The following WWP1 variants were observed in gnomAD, a reference collection of about 807,000 sequenced individuals.
The protein encoded by WWP1 is WW domain containing E3 ubiquitin protein ligase 1.
WWP1 carries 49 observed loss-of-function variants against 130.6 expected under a neutral mutation model. The observed-to-expected ratio is 0.38, with a 90% confidence interval of 0.30 to 0.48. The LOEUF (loss-of-function observed/expected upper bound fraction) is 0.48, where lower values mean the gene tolerates loss of function less well. Ranked by LOEUF, WWP1 falls within the 20% of genes least tolerant of loss-of-function variation. WWP1 has a pLI of 0.99. For synonymous variants in WWP1, 332 were observed against 367.8 expected (o/e 0.90, Z 1.11); for missense variants, 809 against 1,100.6 (o/e 0.74, Z 3.75).
At chr8:86,425,115 CTT>C (rs1809544783) in intron 9 of WWP1, 106 bp from the exon 10 acceptor site, 1 of 729,668 alleles carries the variant, frequency 1.4e-6, no homozygotes, top group Non-Finnish European at 2.2e-6. Context: ...TGTGTATAGT[CTT>C]TTAATGTAAA....
At position 86,452,576 on chromosome 8, in the gene WWP1, G is replaced by A. The variant is rs527247142; in HGVS notation, c.2291G>A (p.Arg764His). Residue 764 changes from arginine (R) to histidine (H), a missense_variant, in exon 21 of 25, where the codon CGT (arginine) becomes CAT (histidine). This residue lies in a region of WWP1 where 450 missense variants were observed against 674.2 expected (regional missense o/e 0.67). Coordinates refer to ENST00000517970, the MANE Select transcript of WWP1 (RefSeq NM_007013.4). ...DEYIGLMTEW[R>H]FSRGVQEQTK... is the part of the protein sequence containing the mutation. ...ATTTTCAGTTTAATGACAGAATGGC[G>A]TTTTTCTCGAGGAGTACAAGAACAG... 192 of 1,603,968 alleles carry A rather than the reference G, an allele frequency of 1.2e-4. 3 individuals are homozygous for A. In the South Asian group the frequency reaches 1.4e-3, roughly 12 times the overall value.
At position 86,342,615 on chromosome 8, in the gene WWP1, G is replaced by C. The variant is rs1014946072; in HGVS notation, c.-430G>C. The C allele has an allele frequency of 5.2e-6, 1 of 193,150 alleles. No homozygotes were observed. The highest frequency in any genetic ancestry group is 1.0e-5 in the Non-Finnish European group (1 of 96,476). 12.0% of individuals were successfully genotyped at this position (193,150 alleles called of 1,614,324 possible). A position where few individuals can be genotyped will look rare whatever the true frequency, so the allele number is the denominator to read the frequency against. ...CGCGCGGTGCCGGGGCCGGCGGGGA[G>C]GCGCGCGCTTAGGGCGCGGCGCCGG... On this transcript the variant is annotated 5_prime_UTR_variant, in exon 1 of 25. Coordinates refer to ENST00000517970, the MANE Select transcript of WWP1 (RefSeq NM_007013.4).
intron 1 of WWP1, among the ~76,000 whole-genome samples, chr8:86,350,530 G>A (rs1217698872): frequency 6.6e-6 from 1 of 152,080 alleles, no homozygotes; most frequent in East Asian, 1.9e-4. Flanking sequence ...GTTGCGGGGA[G>A]GAGTTTGGTA....
rs901079662 is a variant in WWP1, at chr8:86,463,694, C to T, written c.2669+1848C>T. Among the ~76,000 whole-genome samples, 5 of 151,918 alleles carry T rather than the reference C, an allele frequency of 3.3e-5. No homozygotes were observed. The South Asian group carries it at 1.0e-3, about 32-fold the overall frequency. On this transcript the variant is annotated intron_variant, in intron 24 of 24. Coordinates refer to ENST00000517970, the MANE Select transcript of WWP1 (RefSeq NM_007013.4). The stretch of plus-strand genomic sequence containing the variant: ...TAGAAAATCCTTATAATTTGATGAG[C>T]CATTATTTTCAAATGATCAGTGAAT...
At chr8:86,385,182 T>A (rs191050518) in intron 5 of WWP1, among the ~76,000 whole-genome samples, 116 of 152,338 alleles carry the variant, frequency 7.6e-4, no homozygotes, top group Non-Finnish European at 1.5e-3. Flanking sequence ...AGAGATATTA[T>A]GTTTCTGAGG....
intron 1 of WWP1, among the ~76,000 whole-genome samples, chr8:86,368,685 C>T (rs1021709178): frequency 2.6e-5 from 4 of 152,170 alleles, no homozygotes; most frequent in African/African-American, 7.2e-5. Context: ...TGCCTGATCA[C>T]GTTACACTGT....
Position 86,396,911 on chromosome 8 carries a change from T to A in WWP1, c.335-1431T>A, listed in dbSNP as rs930110433. On this transcript the variant is annotated intron_variant, in intron 5 of 24. Transcript: ENST00000517970. The stretch of plus-strand genomic sequence containing the variant: ...ACCGTGTCTGGCCTTAATTTTTAAA[T>A]TTTTTAGAGACTAGATCTCACTGTG... Among the ~76,000 whole-genome samples the A allele has an allele frequency of 7.2e-5, 11 of 152,234 alleles. No individual in the cohort carries two copies. In the East Asian group the frequency reaches 2.1e-3, roughly 29 times the overall value.
intron 7 of WWP1, among the ~76,000 whole-genome samples, chr8:86,400,547 G>A: frequency 6.6e-6 from 1 of 152,146 alleles, no homozygotes; most frequent in Admixed American, 6.5e-5. Context: ...TCTGTGCAGA[G>A]TTCTGAGGGA....
chr8:86,444,510 T>TA (rs1810757682), intron 18 of WWP1, among the ~76,000 whole-genome samples: 1 of 152,166 alleles, frequency 6.6e-6, no homozygotes, highest in Admixed American at 6.5e-5. Context: ...CAAGGACAAT[T>TA]ATAGTCAGGG....
intron 21 of WWP1, among the ~76,000 whole-genome samples, chr8:86,456,362 T>C (rs1811443599): frequency 6.6e-6 from 1 of 151,934 alleles, no homozygotes; most frequent in African/African-American, 2.4e-5. Flanking sequence ...AAAGATCTTA[T>C]ATCTGGAATA....
At chr8:86,391,002 T>C (rs1311330419) in intron 5 of WWP1, among the ~76,000 whole-genome samples, 1 of 152,194 alleles carries the variant, frequency 6.6e-6, no homozygotes, top group Non-Finnish European at 1.5e-5. Context: ...GTATATTTTC[T>C]ATTTTTGAAG....
chr8:86,360,409 C>T (rs1231764309), intron 1 of WWP1, among the ~76,000 whole-genome samples: 1 of 152,078 alleles, frequency 6.6e-6, no homozygotes, highest in Non-Finnish European at 1.5e-5. Flanking sequence ...GAAATTCTTC[C>T]TTGAAGTTTT....
chr8:86,382,766 C>T (rs1023662717), intron 5 of WWP1, among the ~76,000 whole-genome samples: 3 of 152,200 alleles, frequency 2.0e-5, no homozygotes, highest in Admixed American at 6.5e-5. Flanking sequence ...TCTCACACCA[C>T]AATTTATTTA....
At chr8:86,396,926 A>C (rs1358075278) in intron 5 of WWP1, among the ~76,000 whole-genome samples, 1 of 151,950 alleles carries the variant, frequency 6.6e-6, no homozygotes, top group Non-Finnish European at 1.5e-5. Flanking sequence ...TAGAGACTAG[A>C]TCTCACTGTG....
At chr8:86,447,841 C>T (rs1810968308) in intron 18 of WWP1, among the ~76,000 whole-genome samples, 1 of 152,016 alleles carries the variant, frequency 6.6e-6, no homozygotes, top group African/African-American at 2.4e-5. Flanking sequence ...ATTTCCTTAT[C>T]CAGTTAGGTT....
intron 8 of WWP1, among the ~76,000 whole-genome samples, chr8:86,409,673 A>T (rs1246182320): frequency 6.6e-6 from 1 of 151,824 alleles, no homozygotes; most frequent in Non-Finnish European, 1.5e-5. Flanking sequence ...TGGCCTGGCC[A>T]ACAAGGTGAA....
rs530438274 is a variant in WWP1, at chr8:86,386,995, C to T, written c.334+5366C>T. ...GGACAGAAAAGGGCACACCCACTCA[C>T]TCAAGTCCTTTTATAAAGGCCCTAA... On this transcript the variant is annotated intron_variant, in intron 5 of 24. Coordinates refer to ENST00000517970, the MANE Select transcript of WWP1 (RefSeq NM_007013.4). 10 of 152,318 alleles carry T rather than the reference C, an allele frequency of 6.6e-5. No individual in the cohort carries two copies. The South Asian group carries it at 2.1e-3, about 32-fold the overall frequency. The allele number at this position is 152,318 out of a possible 1,614,324, so 9.4% of individuals were successfully genotyped here.
chr8:86,380,838 T>C lies in WWP1; in HGVS notation c.183T>C (p.Asn61=). The part of the protein sequence containing the change: ...TKTAKSSSSS[N]PKWDEQLTVN... ...CAGCAAAATCCAGTAGTTCTTCTAATCCAAAATGGGATGAACAGCTAACTG... is the reference window on the plus strand; with the variant it reads ...CAGCAAAATCCAGTAGTTCTTCTAACCCAAAATGGGATGAACAGCTAACTG... Residue 61 remains asparagine (N), a synonymous_variant, in exon 4 of 25, where the codon AAT becomes AAC. Transcript: ENST00000517970. 1 of 1,612,746 alleles carries C rather than the reference T, an allele frequency of 6.2e-7. No individual in the cohort carries two copies. Among genetic ancestry groups the C allele is most frequent in the Non-Finnish European group, 8.5e-7 (1 of 1,179,418 alleles).
At chr8:86,369,578 C>T (rs778437888) in intron 2 of WWP1, among the ~76,000 whole-genome samples, 16 of 152,120 alleles carry the variant, frequency 1.1e-4, no homozygotes, top group Non-Finnish European at 2.9e-5. Context: ...CCAGTTTGCA[C>T]AGTATTGTAA....
Sources: gnomAD v4.1 joint callset for allele counts (sites outside exome capture counted in the v4.1 genomes callset) on GRCh38, gnomAD v4.1.1 for gene constraint, gnomAD v4.1.1 regional missense constraint, MANE v1.5 for transcripts, NCBI Gene and HGNC (gene_info 2026-07-23, HGNC 2026-07-21) for gene names.